ZNF521: variants seen among roughly 807,000 people sequenced by gnomAD.
ZNF521 encodes zinc finger protein 521.
A neutral mutation model predicts 105.5 loss-of-function variants in ZNF521; 14 were observed. The ratio of observed to expected loss-of-function variants is 0.13; its 90% CI spans 0.09 to 0.21. The LOEUF (loss-of-function observed/expected upper bound fraction) is 0.21, where lower values mean the gene tolerates loss of function less well. ZNF521 is among the 10% of genes least tolerant of loss of function. ZNF521 has a pLI of 1.00. For synonymous variants in ZNF521, 635 were observed against 606.0 expected, an observed-to-expected ratio of 1.05 and a Z score of -0.70; for missense variants, 1,233 against 1,629.7, an observed-to-expected ratio of 0.76 and a Z score of 4.19.
At chr18:25,203,795 C>G (rs1303103788) in intron 4 of ZNF521, among the ~76,000 whole-genome samples, 3 of 152,008 alleles carry the variant, frequency 2.0e-5, no homozygotes, top group Non-Finnish European at 4.4e-5. Flanking sequence ...TTTTATAGTA[C>G]CAGGGAGAAA....
chr18:25,121,263 C>G (rs1034535959), intron 5 of ZNF521, among the ~76,000 whole-genome samples: 1 of 139,586 alleles, frequency 7.2e-6, no homozygotes, highest in African/African-American at 2.6e-5. Flanking sequence ...CAGCCTTCTT[C>G]TTCTTCTTCC....
At chr18:25,134,303 T>TA (rs1267694780) in intron 5 of ZNF521, among the ~76,000 whole-genome samples, 1 of 152,128 alleles carries the variant, frequency 6.6e-6, no homozygotes, top group Non-Finnish European at 1.5e-5. Flanking sequence ...TCTTTTGATG[T>TA]AATGGCGCTG....
At chr18:25,255,469 C>T (rs565321572) in intron 3 of ZNF521, among the ~76,000 whole-genome samples, 13 of 152,012 alleles carry the variant, frequency 8.6e-5, no homozygotes, top group Non-Finnish European at 1.3e-4. Context: ...CTTGGGTTCT[C>T]GTTTTTCAGA....
At chr18:25,200,896 ATCTT>A (rs2035980370) in intron 4 of ZNF521, 1 of 151,896 alleles carries the variant, frequency 6.6e-6, no homozygotes, top group Non-Finnish European at 1.5e-5. Flanking sequence ...ATCTTCATTT[ATCTT>A]TCTGAGCTTC....
chr18:25,225,894 T>C lies in ZNF521; in HGVS notation c.2024A>G (p.Asn675Ser). ...AACATGCTTCAGCAAGGATTCTTGG[T>C]TGGGGAATTCCTTGTTGCACTGAGG... is the stretch of plus-strand genomic sequence containing the variant. Reference protein sequence around the residue: ...TCPQCNKEFPNQESLLKHVTI... With the variant: ...TCPQCNKEFPSQESLLKHVTI... Residue 675 changes from asparagine to serine, a missense_variant, in exon 4 of 8, where the codon AAC becomes AGC. This residue lies in a region of ZNF521 where 614 missense variants were observed against 751.5 expected (regional missense o/e 0.82). Coordinates refer to ENST00000361524, the MANE Select transcript of ZNF521 (RefSeq NM_015461.3). This position sits in a 1 kb window ranked among gnomAD's most constrained non-coding sequence, Gnocchi z 5.6. 1 of 1,614,142 alleles carries C rather than the reference T, an allele frequency of 6.2e-7. No individual in the cohort carries two copies. The highest frequency in any genetic ancestry group is 2.2e-5 in the East Asian group (1 of 44,876).
At position 25,184,951 on chromosome 18, in the gene ZNF521, A is replaced by G. The variant is rs9957515; in HGVS notation, c.3658+10209T>C. ...TGACTTCAATCCACATTATTTTGCT[A>G]TTAGTTACTGGGTAAAAACAGTAGA... On this transcript the variant is annotated intron_variant, in intron 5 of 7. Transcript: ENST00000361524. Among the ~76,000 whole-genome samples the G allele has an allele frequency of 3.2e-3, 480 of 152,320 alleles. 3 individuals are homozygous for G. The highest frequency in any genetic ancestry group is 0.011 in the African/African-American group (453 of 41,572).
intron 3 of ZNF521, among the ~76,000 whole-genome samples, chr18:25,234,223 C>CA (rs1407624281): frequency 6.6e-6 from 1 of 152,214 alleles, no homozygotes; most frequent in African/African-American, 2.4e-5. Flanking sequence ...GTGTATTACA[C>CA]ATCTGTTTAC....
At chr18:25,261,259 T>C (rs1388573022) in intron 3 of ZNF521, among the ~76,000 whole-genome samples, 2 of 152,186 alleles carry the variant, frequency 1.3e-5, no homozygotes, top group Non-Finnish European at 2.9e-5. Context: ...ACCTGTCTGA[T>C]TAGCAGGAGC....
At chr18:25,285,698 TCACACACACACACACACACACA>T (rs66794523) in intron 3 of ZNF521, among the ~76,000 whole-genome samples, 1 of 146,994 alleles carries the variant, frequency 6.8e-6, no homozygotes, top group Non-Finnish European at 1.5e-5. Context: ...TCTCTCTCTC[TCACACACACACACACACACACA>T]CACACACACA....
chr18:25,217,259 T>A (rs935669266), intron 4 of ZNF521, among the ~76,000 whole-genome samples: 10 of 152,182 alleles, frequency 6.6e-5, no homozygotes, highest in African/African-American at 1.9e-4. Context: ...GTTAGGAAGC[T>A]ACTGCGGTAT....
At chr18:25,239,051 A>C (rs1314118393) in intron 3 of ZNF521, among the ~76,000 whole-genome samples, 1 of 152,090 alleles carries the variant, frequency 6.6e-6, no homozygotes, top group Non-Finnish European at 1.5e-5. Context: ...TCATTGATGG[A>C]GGGCTTTCTC....
chr18:25,292,125 A>C (rs1911066285), intron 3 of ZNF521, among the ~76,000 whole-genome samples: 1 of 152,206 alleles, frequency 6.6e-6, no homozygotes. Context: ...CCTGGAAAAC[A>C]CAGGGCAAGT....
At chr18:25,289,849 G>T (rs1375105891) in intron 3 of ZNF521, among the ~76,000 whole-genome samples, 2 of 152,194 alleles carry the variant, frequency 1.3e-5, no homozygotes, top group Admixed American at 1.3e-4. Context: ...CACAATAAAA[G>T]TGTAGCTCTG....
At chr18:25,214,834 G>A (rs1048027887) in intron 4 of ZNF521, among the ~76,000 whole-genome samples, 6 of 152,132 alleles carry the variant, frequency 3.9e-5, no homozygotes, top group Non-Finnish European at 5.9e-5. Flanking sequence ...AAAGGATGCA[G>A]GAGATGCAGA....
intron 2 of ZNF521, among the ~76,000 whole-genome samples, chr18:25,324,740 T>A (rs555529013): frequency 6.6e-6 from 1 of 152,298 alleles, no homozygotes; most frequent in East Asian, 1.9e-4. Context: ...TTAAGTACTA[T>A]ACAGAGAAAA....
At chr18:25,304,401 T>A (rs1234220367) in intron 3 of ZNF521, among the ~76,000 whole-genome samples, 1 of 152,224 alleles carries the variant, frequency 6.6e-6, no homozygotes, top group African/African-American at 2.4e-5. Flanking sequence ...TCAGACAACC[T>A]AATGTGAAAC....
Position 25,197,690 on chromosome 18 carries a change from C to T in ZNF521, c.3574-2446G>A, listed in dbSNP as rs984648997. On this transcript the variant is annotated intron_variant, in intron 4 of 7. Coordinates refer to ENST00000361524, the MANE Select transcript of ZNF521 (RefSeq NM_015461.3). ...TTCTAGACCCAAATCTGTTTTTCTG[C>T]CACTTTCACCCATTGGCCCTAACTC... Among the ~76,000 whole-genome samples, 14 of 151,868 alleles carry T rather than the reference C, an allele frequency of 9.2e-5. No individual in the cohort carries two copies. In the East Asian group the frequency reaches 2.7e-3, roughly 29 times the overall value.
intron 3 of ZNF521, among the ~76,000 whole-genome samples, chr18:25,240,054 T>C (rs1907201419): frequency 6.6e-6 from 1 of 152,148 alleles, no homozygotes; most frequent in Non-Finnish European, 1.5e-5. Context: ...TCTATTGTCG[T>C]TCAGGGCTGT....
intron 3 of ZNF521, among the ~76,000 whole-genome samples, chr18:25,287,163 G>A (rs1600259775): frequency 6.6e-6 from 1 of 152,108 alleles, no homozygotes; most frequent in African/African-American, 2.4e-5. Context: ...TGGTAAAAAC[G>A]TGGCCTCAAG....
Sources: gnomAD v4.1 joint callset for allele counts (sites outside exome capture counted in the v4.1 genomes callset) on GRCh38, gnomAD v4.1.1 for gene constraint, gnomAD v4.1.1 regional missense constraint, Gnocchi (gnomAD v3.1) non-coding constraint, MANE v1.5 for transcripts, NCBI Gene and HGNC (gene_info 2026-07-23, HGNC 2026-07-21) for gene names.